The following LRIT1 variants were observed in gnomAD, a reference collection of about 807,000 sequenced individuals.
LRIT1 encodes the protein leucine rich repeat, Ig-like and transmembrane domains 1.
LRIT1 carries 23 observed loss-of-function variants against 24.0 expected under a neutral mutation model. The ratio of observed to expected loss-of-function variants is 0.96; its 90% CI spans 0.69 to 1.36. The LOEUF (loss-of-function observed/expected upper bound fraction) is 1.36. Ranked by LOEUF, LRIT1 falls within the 40% of genes most tolerant of loss-of-function variation. LRIT1 has a pLI of 0.00. For missense variants in LRIT1, 846 were observed against 806.3 expected (o/e 1.05, Z -0.60); for synonymous variants, 361 against 340.5 (o/e 1.06, Z -0.66).
At chr10:84,238,430 AATATACCAAGGAC>A (rs1247556949) in intron 1 of LRIT1, among the ~76,000 whole-genome samples, 2 of 152,192 alleles carry the variant, frequency 1.3e-5, no homozygotes, top group East Asian at 3.8e-4. Flanking sequence ...TTTAACAAAA[AATATACCAAGGAC>A]ATCAAAAATG....
chr10:84,237,208 G>A lies in LRIT1; in HGVS notation c.589+12C>T, dbSNP rs1457713074. On this transcript the variant is annotated intron_variant, in intron 2 of 3. Coordinates refer to ENST00000372105, the MANE Select transcript of LRIT1 (RefSeq NM_015613.3). ...TTGCCTAAGACCCCAGGTGAAGGTT[G>A]CCGACCCTTACCTAGGACCCGCCTG... 2 of 1,545,014 alleles carry A rather than the reference G, an allele frequency of 1.3e-6. No individual in the cohort carries two copies. The highest frequency in any genetic ancestry group is 1.7e-6 in the Non-Finnish European group (2 of 1,142,988).
Position 84,237,449 on chromosome 10 carries a change from G to C in LRIT1, c.360C>G (p.Ala120=). Residue 120 remains alanine, a synonymous_variant, in exon 2 of 4, where the codon GCC becomes GCG. Transcript: ENST00000372105. ...CCCTGAGCGCCGCCCAGGGGAAGGC[G>C]GCCAGGCGGTTCCCGGGCAGCCGCA... The part of the protein sequence containing the change: ...RELRLPGNRL[A]AFPWAALRDA... The C allele has an allele frequency of 6.4e-7, 1 of 1,557,270 alleles. No homozygotes were observed. Among genetic ancestry groups the C allele is most frequent in the Non-Finnish European group, 8.7e-7 (1 of 1,154,650 alleles).
rs751385711 is a variant in LRIT1 at position 84,232,306 on chromosome 10, A to G, written c.1493T>C (p.Val498Ala). ...LLPKTKYVAC[V>A]CVQGLVPRKE... The stretch of plus-strand genomic sequence containing the variant: ...CCGGGGCACCAGGCCCTGCACACAG[A>G]CACACGCCACATACTTGGTCTTGGG... The change falls in exon 4 of 4, where the codon GTC becomes GCC. Residue 498 changes from valine (V) to alanine (A), a missense_variant. Physicochemically the swap from Val to Ala is moderately conservative, Grantham distance 64 (BLOSUM62 0). Coordinates refer to ENST00000372105, the MANE Select transcript of LRIT1 (RefSeq NM_015613.3). 1 of 1,614,058 alleles carries G rather than the reference A, an allele frequency of 6.2e-7. No individual in the cohort carries two copies. Among genetic ancestry groups the G allele is most frequent in the Non-Finnish European group, 8.5e-7 (1 of 1,180,006 alleles).
chr10:84,234,323 A>C lies in LRIT1; in HGVS notation c.645T>G (p.Leu215=). 5 of 1,603,548 alleles carry C rather than the reference A, an allele frequency of 3.1e-6. No homozygotes were observed. Among genetic ancestry groups the C allele is most frequent in the Non-Finnish European group, 4.3e-6 (5 of 1,174,276 alleles). The stretch of plus-strand genomic sequence containing the variant: ...CCAAGTTTGGGGCCCAGCCATCCAA[A>C]AGATGAACCAGGTCATAGAGTCGGC... ...CDCRLYDLVH[L]LDGWAPNLAF... is the part of the protein sequence containing the mutation. The change falls in exon 3 of 4, where the codon CTT becomes CTG. Residue 215 remains leucine (L), a synonymous_variant. Transcript: ENST00000372105.
chr10:84,233,634 G>A lies in LRIT1; in HGVS notation c.895+439C>T, dbSNP rs141338368. On this transcript the variant is annotated intron_variant, in intron 3 of 3. Transcript: ENST00000372105. ...ATTGGGTTGCTCTTTGAAGTTCAAT[G>A]TCATTATGTGCATAATACACTTAGC... Among the ~76,000 whole-genome samples the A allele has an allele frequency of 9.2e-5, 14 of 152,310 alleles. No individual in the cohort carries two copies. In the East Asian group the frequency reaches 2.7e-3, roughly 29 times the overall value.
Position 84,232,692 on chromosome 10 carries a change from C to T in LRIT1, c.1107G>A (p.Gly369=). The T allele has an allele frequency of 1.2e-6, 2 of 1,613,722 alleles. No individual in the cohort carries two copies. Among genetic ancestry groups the T allele is most frequent in the Non-Finnish European group, 1.7e-6 (2 of 1,179,762 alleles). Residue 369 remains glycine, a synonymous_variant, in exon 4 of 4, where the codon GGG becomes GGA. Coordinates refer to ENST00000372105, the MANE Select transcript of LRIT1 (RefSeq NM_015613.3). The part of the protein sequence containing the change: ...GALWARTGGG[G]EAAAYNNKLV... ...GCTTGTTGTTGTAAGCAGCAGCTTC[C>T]CCTCCGCCACCTGTCCTTGCCCATA... is the stretch of plus-strand genomic sequence containing the variant.
At position 84,231,679 on chromosome 10, in the gene LRIT1, G is replaced by A. The variant is rs138971815; in HGVS notation, c.*248C>T. The A allele has an allele frequency of 1.3e-3, 687 of 511,870 alleles. 1 individual carries two copies. The highest frequency in any genetic ancestry group is 1.8e-3 in the South Asian group (68 of 37,348). 31.7% of individuals were successfully genotyped at this position (511,870 alleles called of 1,614,324 possible). On this transcript the variant is annotated 3_prime_UTR_variant, in exon 4 of 4. Transcript: ENST00000372105. ...TAACCCCCCACCCCAGGGAAATGGA[G>A]AGAATAGTGATGCCTGCTGCAAATG...
Position 84,241,498 on chromosome 10 carries a change from C to CA in LRIT1, c.-60_-59insT, listed in dbSNP as rs1842691311. 3 of 1,017,678 alleles carry CA rather than the reference C, an allele frequency of 2.9e-6. No individual in the cohort carries two copies. Among genetic ancestry groups the CA allele is most frequent in the African/African-American group, 3.8e-5 (1 of 26,304 alleles). 63.0% of individuals were successfully genotyped at this position (1,017,678 alleles called of 1,614,324 possible). ...CTGTCCCTGGACCGCTCCGTCCCAC[C>CA]GGCCCAGCAAGCTCAGCAGCTGCCC... On this transcript the variant is annotated 5_prime_UTR_variant, in exon 1 of 4. Coordinates refer to ENST00000372105, the MANE Select transcript of LRIT1 (RefSeq NM_015613.3).
intron 1 of LRIT1, 75 bp downstream of exon 1, chr10:84,241,243 C>A (rs1842688159): frequency 3.1e-6 from 5 of 1,604,908 alleles, no homozygotes; most frequent in Non-Finnish European, 4.3e-6. Context: ...GCCCCAGCTC[C>A]AACTCCTCCC....
Position 84,232,444 on chromosome 10 carries a change from TG to T in LRIT1, c.1354del (p.Gln452ArgfsTer23), listed in dbSNP as rs776880284. On this transcript the variant is annotated frameshift_variant, in exon 4 of 4. Transcript: ENST00000372105. LOFTEE classifies it low-confidence loss of function (END_TRUNC). ...HSVSLVWKAPQAKNTTAFSVL... is the reference protein window; with the variant it reads ...HSVSLVWKAPXAKNTTAFSVL... Reference sequence around the variant, plus strand: ...ACTGAAGGCAGTTGTGTTCTTAGCCTGGGGTGCCTTCCACACCAAGGACACG... The same window carrying T: ...ACTGAAGGCAGTTGTGTTCTTAGCCTGGGTGCCTTCCACACCAAGGACACG... 2 of 1,614,032 alleles carry T rather than the reference TG, an allele frequency of 1.2e-6. No homozygotes were observed. Among genetic ancestry groups the T allele is most frequent in the African/African-American group, 2.7e-5 (2 of 74,922 alleles).
In LRIT1 at chr10:84,232,170, G is replaced by A; in HGVS notation, c.1629C>T (p.Leu543=). ...GAGCACTGCAGCAGACAAGCAGCGT[G>A]AGAGGCAGGGCAATGACGATGGCCA... ...ISVAIVIALP[L]TLLVCCSALQ... Residue 543 remains leucine, a synonymous_variant, in exon 4 of 4, where the codon CTC becomes CTT. Transcript: ENST00000372105. 2 of 1,614,232 alleles carry A rather than the reference G, an allele frequency of 1.2e-6. No homozygotes were observed. Among genetic ancestry groups the A allele is most frequent in the Non-Finnish European group, 1.7e-6 (2 of 1,180,040 alleles).
intron 1 of LRIT1, 84 bp from the exon 2 acceptor site, chr10:84,237,770 C>T (rs1842664564): frequency 9.3e-7 from 1 of 1,073,706 alleles, no homozygotes; most frequent in Non-Finnish European, 1.3e-6. Context: ...GCGAGGCCTC[C>T]AGTTCTGCCT....
Position 84,232,523 on chromosome 10 carries a change from A to C in LRIT1, c.1276T>G (p.Ser426Ala). Residue 426 changes from serine (S) to alanine (A), a missense_variant, in exon 4 of 4, where the codon TCA becomes GCA. Coordinates refer to ENST00000372105, the MANE Select transcript of LRIT1 (RefSeq NM_015613.3). Reference protein sequence around the residue: ...GELSDGRAGPSEARMVRSVKV... With the variant: ...GELSDGRAGPAEARMVRSVKV... The stretch of plus-strand genomic sequence containing the variant: ...ACAGACCTCACCATTCGTGCCTCTG[A>C]GGGTCCTGCCCGCCCATCAGAGAGC... The C allele has an allele frequency of 6.2e-7, 1 of 1,614,138 alleles. No individual in the cohort carries two copies. Among genetic ancestry groups the C allele is most frequent in the South Asian group, 1.1e-5 (1 of 91,080 alleles).
At position 84,234,320 on chromosome 10, in the gene LRIT1, C is replaced by T; in HGVS notation, c.648G>A (p.Leu216=). The T allele has an allele frequency of 2.5e-6, 4 of 1,604,408 alleles. No homozygotes were observed. Among genetic ancestry groups the T allele is most frequent in the Non-Finnish European group, 3.4e-6 (4 of 1,174,700 alleles). The stretch of plus-strand genomic sequence containing the variant: ...AGGCCAAGTTTGGGGCCCAGCCATC[C>T]AAAAGATGAACCAGGTCATAGAGTC... The part of the protein sequence containing the change: ...DCRLYDLVHL[L]DGWAPNLAFI... Residue 216 remains leucine, a synonymous_variant, in exon 3 of 4, where the codon TTG becomes TTA. Transcript: ENST00000372105.
chr10:84,234,704 C>T (rs1200515493), intron 2 of LRIT1, among the ~76,000 whole-genome samples: 1 of 152,168 alleles, frequency 6.6e-6, no homozygotes, highest in African/African-American at 2.4e-5. Flanking sequence ...ACTGGCCAGG[C>T]AGTATTTCCA....
intron 1 of LRIT1, among the ~76,000 whole-genome samples, chr10:84,239,954 C>T (rs1197703659): frequency 1.3e-5 from 2 of 152,188 alleles, no homozygotes; most frequent in African/African-American, 2.4e-5. Context: ...GATAGTCAGG[C>T]GGGTAGAACC....
rs1842690449 is a variant in LRIT1, at chr10:84,241,410, G to C, written c.30C>G (p.Leu10=). MRVALGMLW[L]LALAWPPQAR... ...CCTGGGGGGGCCACGCAAGGGCCAAGAGCCAGAGCATGCCTAATGCCACCC... is the reference window on the plus strand; with the variant it reads ...CCTGGGGGGGCCACGCAAGGGCCAACAGCCAGAGCATGCCTAATGCCACCC... Residue 10 remains leucine, a synonymous_variant, in exon 1 of 4, where the codon CTC becomes CTG. Coordinates refer to ENST00000372105, the MANE Select transcript of LRIT1 (RefSeq NM_015613.3). 1 of 1,607,244 alleles carries C rather than the reference G, an allele frequency of 6.2e-7. No homozygotes were observed. Among genetic ancestry groups the C allele is most frequent in the Non-Finnish European group, 8.5e-7 (1 of 1,177,070 alleles).
chr10:84,237,686 C>T lies in LRIT1; in HGVS notation c.123G>A (p.Arg41=). The change falls in exon 2 of 4, where the codon AGG becomes AGA. Residue 41 remains arginine, a splice_region_variant and synonymous_variant. Transcript: ENST00000372105. ...TGTCGGGGTCGTTGCACACTACTGT[C>T]CTGCTGGCAGAAATGAGGGATAGTT... is the stretch of plus-strand genomic sequence containing the variant. ...LHIMGDGSKA[R]TVVCNDPDMT... is the part of the protein sequence containing the mutation. 6.3e-7 allele frequency: 1 copy of T among 1,580,368 alleles called. No homozygotes were observed. Among genetic ancestry groups the T allele is most frequent in the Non-Finnish European group, 8.6e-7 (1 of 1,165,798 alleles).
rs896315496 is a variant in LRIT1, at chr10:84,241,531, C to A, written c.-92G>T. 1.5e-6 allele frequency: 2 copies of A among 1,336,788 alleles called. No individual in the cohort carries two copies. Among genetic ancestry groups the A allele is most frequent in the South Asian group, 1.5e-5 (1 of 65,332 alleles). 82.8% of individuals were successfully genotyped at this position (1,336,788 alleles called of 1,614,324 possible). On this transcript the variant is annotated 5_prime_UTR_variant, in exon 1 of 4. Transcript: ENST00000372105. ...CAAGCTCAGCAGCTGCCCACTTGCT[C>A]GCCAGCCCCTTACACCCCCTCCTGA...
Sources: gnomAD v4.1 joint callset for allele counts (sites outside exome capture counted in the v4.1 genomes callset) on GRCh38, gnomAD v4.1.1 for gene constraint, MANE v1.5 for transcripts, NCBI Gene and HGNC (gene_info 2026-07-23, HGNC 2026-07-21) for gene names.